Variants in DNAH5 observed in about 807,000 individuals in gnomAD.
DNAH5 encodes axonemal beta dynein heavy chain 5.
A neutral mutation model predicts 518.2 loss-of-function variants in DNAH5; 372 were observed. The ratio of observed to expected loss-of-function variants is 0.72; its 90% CI spans 0.66 to 0.78. The LOEUF is 0.78. DNAH5 is among the 30% of genes least tolerant of loss of function. The pLI is 0.00. For synonymous variants in DNAH5, 2,039 were observed against 2,025.9 expected, an observed-to-expected ratio of 1.01 and a Z score of -0.17; for missense variants, 5,523 against 5,687.0, an observed-to-expected ratio of 0.97 and a Z score of 0.93.
intron 1 of DNAH5, among the ~76,000 whole-genome samples, chr5:13,992,020 C>G (rs1783596772): frequency 6.6e-6 from 1 of 152,154 alleles, no homozygotes; most frequent in South Asian, 2.1e-4. Flanking sequence ...AAAACTGGTA[C>G]TAGACAAGAG....
Position 13,810,419 on chromosome 5 carries a change from T to TAG in DNAH5, c.7408-160_7408-159insCT, listed in dbSNP as rs979534584. 5 of 737,016 alleles carry TAG rather than the reference T, an allele frequency of 6.8e-6. No individual in the cohort carries two copies. In the Admixed American group the frequency reaches 1.1e-4, roughly 16 times the overall value. The allele number at this position is 737,016 out of a possible 1,614,324, so 45.7% of individuals were successfully genotyped here. On this transcript the variant is annotated intron_variant, in intron 44 of 78. Coordinates refer to ENST00000265104, the MANE Select transcript of DNAH5 (RefSeq NM_001369.3). The stretch of plus-strand genomic sequence containing the variant: ...AACTGGAGAACAAATGAAGAACTGA[T>TAG]CTCTGAGAATAGCAAGCTGCCTTTA...
chr5:13,721,324 C>A, intron 70 of DNAH5, 79 bp from the exon 71 acceptor site: 1 of 1,571,372 alleles, frequency 6.4e-7, no homozygotes. Context: ...TTCCAAAATT[C>A]ATTTTTGTAA....
At chr5:13,794,267 A>C (rs1331366726) in intron 47 of DNAH5, among the ~76,000 whole-genome samples, 2 of 152,232 alleles carry the variant, frequency 1.3e-5, no homozygotes, top group African/African-American at 2.4e-5. Context: ...TTTAATTTAG[A>C]AGGAAATGAA....
intron 15 of DNAH5, 63 bp downstream of exon 15, chr5:13,900,143 T>C (rs1034218812): frequency 2.8e-6 from 4 of 1,425,300 alleles, no homozygotes; most frequent in Non-Finnish European, 2.0e-6. Context: ...CACATCACCA[T>C]ATTTTTTTAT....
intron 12 of DNAH5, among the ~76,000 whole-genome samples, chr5:13,907,227 T>G (rs1480528610): frequency 1.3e-5 from 2 of 152,020 alleles, no homozygotes; most frequent in African/African-American, 4.8e-5. Context: ...GGTCAGGAGT[T>G]CGAGACCAGT....
At chr5:13,842,433 A>AGAGAGAGAGAGAGAGAGAG (rs1561407131) in intron 32 of DNAH5, among the ~76,000 whole-genome samples, 5 of 61,862 alleles carry the variant, frequency 8.1e-5, no homozygotes, top group South Asian at 5.1e-4. Context: ...AAAAGAAAGA[A>AGAGAGAGAGAGAGAGAGAG]AGAAAGAAAG....
intron 12 of DNAH5, among the ~76,000 whole-genome samples, chr5:13,906,630 T>G (rs966715423): frequency 2.0e-5 from 3 of 152,190 alleles, no homozygotes; most frequent in African/African-American, 7.2e-5. Context: ...ACATAAAGTA[T>G]TCCATGTTCT....
At chr5:13,803,337 T>G (rs1306327672) in intron 47 of DNAH5, among the ~76,000 whole-genome samples, 1 of 152,212 alleles carries the variant, frequency 6.6e-6, no homozygotes, top group East Asian at 1.9e-4. Flanking sequence ...TGCTCAATAG[T>G]ACATTGTAAA....
At chr5:13,876,017 C>T (rs1275472983) in intron 22 of DNAH5, among the ~76,000 whole-genome samples, 1 of 152,104 alleles carries the variant, frequency 6.6e-6, no homozygotes, top group Non-Finnish European at 1.5e-5. Flanking sequence ...AACAAGTCAA[C>T]AAGTCTTACT....
chr5:13,811,507 C>T (rs186196224), intron 44 of DNAH5, 140 bp downstream of exon 44: 2 of 767,098 alleles, frequency 2.6e-6, no homozygotes, highest in Non-Finnish European at 4.2e-6. Flanking sequence ...CCCTCCCCAA[C>T]AGCTCTAACC....
intron 33 of DNAH5, 126 bp downstream of exon 33, chr5:13,841,566 C>T: frequency 1.4e-6 from 1 of 727,516 alleles, no homozygotes; most frequent in South Asian, 1.7e-5. Context: ...TTTAATGGGT[C>T]CTTATGAAAA....
chr5:13,775,321 A>C (rs1753927964), intron 55 of DNAH5, among the ~76,000 whole-genome samples: 2 of 152,022 alleles, frequency 1.3e-5, no homozygotes, highest in Non-Finnish European at 2.9e-5. Flanking sequence ...TACTGTCAAT[A>C]GTGAAGCGCT....
intron 38 of DNAH5, among the ~76,000 whole-genome samples, chr5:13,827,248 G>A (rs1364103433): frequency 6.6e-6 from 1 of 152,124 alleles, no homozygotes; most frequent in Non-Finnish European, 1.5e-5. Context: ...ATTTTCTGAG[G>A]AGAAATTAAG....
intron 52 of DNAH5, among the ~76,000 whole-genome samples, chr5:13,784,900 A>G (rs141940931): frequency 1.7e-4 from 26 of 152,282 alleles, no homozygotes; most frequent in African/African-American, 6.0e-4. Context: ...AAAAATGGAT[A>G]CGGTAATGAC....
Position 13,808,620 on chromosome 5 carries a change from C to T in DNAH5, c.7752+424G>A, listed in dbSNP as rs544167399. Among the ~76,000 whole-genome samples, 10 of 152,294 alleles carry T rather than the reference C, an allele frequency of 6.6e-5. No homozygotes were observed. The East Asian group carries it at 1.2e-3, about 18-fold the overall frequency. The stretch of plus-strand genomic sequence containing the variant: ...GGAATAGTAGGTTAGGTGACATTTT[C>T]GTGTATTCTAAACTGCAACATAAAA... On this transcript the variant is annotated intron_variant, in intron 46 of 78. Transcript: ENST00000265104.
Position 13,780,894 on chromosome 5 carries a change from C to T in DNAH5, c.8886G>A (p.Lys2962=). 1.2e-6 allele frequency: 2 copies of T among 1,613,844 alleles called. No individual in the cohort carries two copies. Among genetic ancestry groups the T allele is most frequent in the Non-Finnish European group, 1.7e-6 (2 of 1,179,830 alleles). ...ATGAAGCCAACCTCGTCAGGCTCTG[C>T]TTTCCTGATCCGCCCACCCCGACCA... ...ALLVGVGGSG[K]QSLTRLASFI... is the part of the protein sequence containing the mutation. Residue 2962 remains lysine, a synonymous_variant, in exon 53 of 79, where the codon AAG becomes AAA. Coordinates refer to ENST00000265104, the MANE Select transcript of DNAH5 (RefSeq NM_001369.3).
At chr5:13,875,758 G>T (rs921651401) in intron 22 of DNAH5, among the ~76,000 whole-genome samples, 1 of 151,930 alleles carries the variant, frequency 6.6e-6, no homozygotes, top group Non-Finnish European at 1.5e-5. Context: ...CTGTCTCTAG[G>T]GGAAAATTAA....
At position 13,867,921 on chromosome 5, in the gene DNAH5, C is replaced by T. The variant is rs756702210; in HGVS notation, c.3906G>A (p.Leu1302=). 2.5e-6 allele frequency: 4 copies of T among 1,614,058 alleles called. No individual in the cohort carries two copies. The East Asian group carries it at 8.9e-5, about 36-fold the overall frequency. ...AREEIDKVDT[L]HYAWEKLLAR... ...CCAGCAGCTTCTCCCAAGCATAGTG[C>T]AGTGTATCAACTTTGTCTATCTCTT... Residue 1302 remains leucine (L), a synonymous_variant, in exon 25 of 79, where the codon CTG becomes CTA. Transcript: ENST00000265104.
chr5:13,920,579 G>C lies in DNAH5; in HGVS notation c.699C>G (p.Thr233=). The change falls in exon 6 of 79, where the codon ACC becomes ACG. Residue 233 remains threonine (T), a synonymous_variant. Coordinates refer to ENST00000265104, the MANE Select transcript of DNAH5 (RefSeq NM_001369.3). ...LRKCDILELK[T]LKEPTDYLTL... ...TCAAGTAGTCCGTAGGTTCCTTTAG[G>C]GTTTTCAGTTCAAGTATGTCACACT... The C allele has an allele frequency of 6.2e-7, 1 of 1,614,032 alleles. No homozygotes were observed. The highest frequency in any genetic ancestry group is 8.5e-7 in the Non-Finnish European group (1 of 1,179,980).
Sources: allele counts gnomAD v4.1 joint callset (sites outside exome capture counted in the v4.1 genomes callset), GRCh38; gene constraint gnomAD v4.1.1; transcripts MANE v1.5; gene names NCBI Gene and HGNC (gene_info 2026-07-23, HGNC 2026-07-21).